Variants in RNF121 observed in about 807,000 individuals in gnomAD.
RNF121 encodes ring finger protein 121, also known as E3 ubiquitin ligase RNF121.
In RNF121, 21 loss-of-function variants were observed where a neutral mutation model predicts 46.5. The observed-to-expected ratio is 0.45, with a 90% confidence interval of 0.32 to 0.65. The LOEUF (loss-of-function observed/expected upper bound fraction) is 0.65. Among genes scored for constraint, RNF121 ranks in the 30% least tolerant of loss-of-function variants. The probability of loss-of-function intolerance (pLI) is 0.04; values close to 1 mark genes in which losing one functional copy is unlikely to be tolerated. For synonymous variants in RNF121, 139 were observed against 144.7 expected (o/e 0.96, Z 0.28); for missense variants, 346 against 416.0 (o/e 0.83, Z 1.46).
intron 1 of RNF121, among the ~76,000 whole-genome samples, chr11:71,951,403 G>C (rs1176361562): frequency 6.6e-6 from 1 of 151,962 alleles, no homozygotes; most frequent in African/African-American, 2.4e-5. Context: ...ATTTTTTGGG[G>C]TGAAAAGTGG....
intron 3 of RNF121, among the ~76,000 whole-genome samples, chr11:71,977,837 G>A (rs1272477406): frequency 2.6e-5 from 4 of 152,116 alleles, no homozygotes; most frequent in African/African-American, 9.7e-5. Flanking sequence ...TATCGCATTA[G>A]CCAAGTCCTG....
intron 1 of RNF121, among the ~76,000 whole-genome samples, chr11:71,948,539 A>C (rs993838552): frequency 1.4e-5 from 2 of 144,940 alleles, no homozygotes; most frequent in African/African-American, 2.7e-5. Context: ...AAAAAAAAAA[A>C]GCTTATCAAC....
rs374546857 is a variant in RNF121, at chr11:71,994,709, TCTC to T, written c.628-7_628-5del. On this transcript the variant is annotated splice_region_variant and splice_polypyrimidine_tract_variant and intron_variant, in intron 6 of 8. Coordinates refer to ENST00000361756, the MANE Select transcript of RNF121 (RefSeq NM_018320.5). ...TTTTCCTATCTTTCCTTCCTGCTAT[TCTC>T]CTTCAGTTCTACAGCGAGTCGGGCA... The T allele has an allele frequency of 1.1e-4, 175 of 1,614,108 alleles. 1 individual carries two copies. The East Asian group carries it at 3.3e-3, about 30-fold the overall frequency.
At chr11:71,943,866 G>C (rs141224189) in intron 1 of RNF121, among the ~76,000 whole-genome samples, 1 of 152,314 alleles carries the variant, frequency 6.6e-6, no homozygotes, top group African/African-American at 2.4e-5. Context: ...CACCTTCAGG[G>C]AACTGTATGC....
chr11:71,935,927 A>G (rs1953394730), intron 1 of RNF121, among the ~76,000 whole-genome samples: 1 of 139,508 alleles, frequency 7.2e-6, no homozygotes, highest in Non-Finnish European at 1.5e-5. Flanking sequence ...GGCTCACTGC[A>G]GCCTCCGCCT....
intron 3 of RNF121, among the ~76,000 whole-genome samples, chr11:71,962,655 A>T (rs551554982): frequency 1.9e-4 from 29 of 152,240 alleles, no homozygotes; most frequent in Non-Finnish European, 3.8e-4. Flanking sequence ...ACATGATAGC[A>T]CATCTTACAC....
At chr11:71,977,201 G>A (rs1565156999) in intron 3 of RNF121, among the ~76,000 whole-genome samples, 2 of 152,186 alleles carry the variant, frequency 1.3e-5, no homozygotes, top group East Asian at 1.9e-4. Flanking sequence ...AGCCAGGTAT[G>A]GTGGGAGGGT....
chr11:71,943,589 A>G (rs1348538873), intron 1 of RNF121, among the ~76,000 whole-genome samples: 1 of 152,264 alleles, frequency 6.6e-6, no homozygotes, highest in Non-Finnish European at 1.5e-5. Flanking sequence ...GATGTGAAAG[A>G]TAACAAAGAC....
At chr11:71,952,082 A>C (rs537027781) in intron 1 of RNF121, among the ~76,000 whole-genome samples, 1 of 152,242 alleles carries the variant, frequency 6.6e-6, no homozygotes, top group Non-Finnish European at 1.5e-5. Flanking sequence ...TACATTCATC[A>C]GCTGATGAAT....
At chr11:71,994,923 G>C in intron 7 of RNF121, 71 bp downstream of exon 7, 1 of 1,600,534 alleles carries the variant, frequency 6.2e-7, no homozygotes, top group Non-Finnish European at 8.5e-7. Flanking sequence ...AGAGAAAGAG[G>C]GTGGTCATGA....
chr11:71,971,204 T>C (rs1954412849), intron 3 of RNF121, among the ~76,000 whole-genome samples: 1 of 151,942 alleles, frequency 6.6e-6, no homozygotes, highest in Non-Finnish European at 1.5e-5. Context: ...GGCAACATGG[T>C]CAAACCCTAT....
At position 71,967,358 on chromosome 11, in the gene RNF121, T is replaced by G. The variant is rs546732721; in HGVS notation, c.243+6467T>G. Among the ~76,000 whole-genome samples, 82 of 137,882 alleles carry G rather than the reference T, an allele frequency of 5.9e-4. 1 individual carries two copies. Among genetic ancestry groups the G allele is most frequent in the African/African-American group, 1.9e-3 (72 of 38,006 alleles). 90.5% of individuals were successfully genotyped at this position (137,882 alleles called of 152,430 possible). On this transcript the variant is annotated intron_variant, in intron 3 of 8. Coordinates refer to ENST00000361756, the MANE Select transcript of RNF121 (RefSeq NM_018320.5). ...TATGTGGGTTTTTTTTGTTTTTTTT[T>G]TTTTTTTTTGAGACGGAGTCTCACT...
intron 5 of RNF121, among the ~76,000 whole-genome samples, chr11:71,989,104 A>C (rs1306281049): frequency 2.4e-5 from 3 of 124,224 alleles, no homozygotes; most frequent in African/African-American, 8.5e-5. Flanking sequence ...GTTTGTTTTG[A>C]GATGGAGTCT....
At chr11:71,981,201 A>T (rs113447011) in intron 3 of RNF121, among the ~76,000 whole-genome samples, 1 of 122,012 alleles carries the variant, frequency 8.2e-6, no homozygotes, top group Non-Finnish European at 1.9e-5. Flanking sequence ...GGTGCCTGCC[A>T]CCACACCCGG....
chr11:71,995,503 G>T lies in RNF121; in HGVS notation c.815G>T (p.Cys272Phe). ...GWCIVGKKQT[C>F]PYCKEKVDLK... ...TGCATCGTGGGAAAGAAGCAAACGT[G>T]TCCCTACTGCAAAGAGAAGGTAGAC... Residue 272 changes from cysteine to phenylalanine, a missense_variant, in exon 8 of 9, where the codon TGT (cysteine) becomes TTT (phenylalanine). By Grantham distance (205) the Cys-to-Phe change is radical. Around this residue, in one of 2 missense-constraint regions of RNF121, gnomAD observed 286 missense variants for 383.8 expected, o/e 0.75. Coordinates refer to ENST00000361756, the MANE Select transcript of RNF121 (RefSeq NM_018320.5). 1 of 1,596,302 alleles carries T rather than the reference G, an allele frequency of 6.3e-7. No homozygotes were observed. The highest frequency in any genetic ancestry group is 8.5e-7 in the Non-Finnish European group (1 of 1,169,992).
chr11:71,987,160 T>A, intron 5 of RNF121, 49 bp downstream of exon 5: 2 of 1,158,246 alleles, frequency 1.7e-6, no homozygotes, highest in African/African-American at 1.5e-5. Flanking sequence ...GAGGAGTGAC[T>A]GTTGAGATGT....
chr11:71,976,916 G>C (rs1182430854), intron 3 of RNF121, among the ~76,000 whole-genome samples: 1 of 151,950 alleles, frequency 6.6e-6, no homozygotes, highest in African/African-American at 2.4e-5. Context: ...TTTTCATTTT[G>C]ATCTTATTTC....
chr11:71,929,596 G>A (rs1185803085), intron 1 of RNF121, among the ~76,000 whole-genome samples: 2 of 152,126 alleles, frequency 1.3e-5, no homozygotes, highest in Admixed American at 6.5e-5. Context: ...CTTAAAGTTG[G>A]AACTGTTTTA....
rs1169228200 is a variant in RNF121, at chr11:71,996,155, A to T, written c.864-40A>T. 2.5e-6 allele frequency: 4 copies of T among 1,611,966 alleles called. No individual in the cohort carries two copies. The Admixed American group carries it at 6.7e-5, about 27-fold the overall frequency. On this transcript the variant is annotated intron_variant, in intron 8 of 8. Coordinates refer to ENST00000361756, the MANE Select transcript of RNF121 (RefSeq NM_018320.5). ...CCACCCATGCTAGATCACTCCTGGCAGCTCTTGCACAGAGTCTCTTTTCTT... is the reference window on the plus strand; with the variant it reads ...CCACCCATGCTAGATCACTCCTGGCTGCTCTTGCACAGAGTCTCTTTTCTT...
Sources: gnomAD v4.1 joint callset for allele counts (sites outside exome capture counted in the v4.1 genomes callset) on GRCh38, gnomAD v4.1.1 for gene constraint, gnomAD v4.1.1 regional missense constraint, MANE v1.5 for transcripts, NCBI Gene and HGNC (gene_info 2026-07-23, HGNC 2026-07-21) for gene names.